The following TCF7L1 variants were observed in gnomAD, a reference collection of about 807,000 sequenced individuals.
TCF7L1 encodes the protein transcription factor 7 like 1, also known as transcription factor 7-like 1.
In TCF7L1, 18 loss-of-function variants were observed where a neutral mutation model predicts 63.7. The ratio of observed to expected loss-of-function variants is 0.28; its 90% confidence interval spans 0.20 to 0.42. The LOEUF is 0.42. Ranked by LOEUF, TCF7L1 falls within the 10% of genes least tolerant of loss-of-function variation. The pLI, the probability that TCF7L1 is intolerant of heterozygous loss-of-function variation, is 1.00. For synonymous variants in TCF7L1, 355 were observed against 340.9 expected (o/e 1.04, Z -0.46); for missense variants, 654 against 779.3 (o/e 0.84, Z 1.91).
intron 3 of TCF7L1, among the ~76,000 whole-genome samples, chr2:85,207,924 G>A (rs999505129): frequency 2.0e-5 from 3 of 151,708 alleles, no homozygotes; most frequent in South Asian, 4.2e-4. Context: ...TTTGGGGGGC[G>A]GGGACAGAGT....
intron 3 of TCF7L1, among the ~76,000 whole-genome samples, chr2:85,251,240 T>G (rs1401575333): frequency 6.6e-6 from 1 of 152,226 alleles, no homozygotes; most frequent in Non-Finnish European, 1.5e-5. Flanking sequence ...GAATAATGTT[T>G]TGCAATAACC....
At chr2:85,270,992 A>G (rs1478884706) in intron 3 of TCF7L1, among the ~76,000 whole-genome samples, 1 of 151,812 alleles carries the variant, frequency 6.6e-6, no homozygotes, top group African/African-American at 2.4e-5. Flanking sequence ...TCCCATTCCC[A>G]ACCACAAGTT....
At chr2:85,274,924 C>A (rs1681238023) in intron 3 of TCF7L1, among the ~76,000 whole-genome samples, 1 of 152,188 alleles carries the variant, frequency 6.6e-6, no homozygotes, top group African/African-American at 2.4e-5. Flanking sequence ...AGGACACTCA[C>A]ACTTGAGTGT....
At chr2:85,208,208 T>G (rs1452720959) in intron 3 of TCF7L1, among the ~76,000 whole-genome samples, 1 of 152,164 alleles carries the variant, frequency 6.6e-6, no homozygotes, top group Non-Finnish European at 1.5e-5. Context: ...ACCTGGCCTA[T>G]TAAATGCATT....
intron 3 of TCF7L1, among the ~76,000 whole-genome samples, chr2:85,282,154 T>C (rs1335160283): frequency 6.6e-6 from 1 of 152,024 alleles, no homozygotes; most frequent in Admixed American, 6.6e-5. Context: ...CACCCAGCTA[T>C]TTTTTGTTTT....
At chr2:85,250,821 C>T (rs1183756324) in intron 3 of TCF7L1, among the ~76,000 whole-genome samples, 6 of 152,090 alleles carry the variant, frequency 3.9e-5, no homozygotes, top group South Asian at 2.1e-4. Flanking sequence ...CAAGTTGTGC[C>T]GTCCCCTGCA....
intron 3 of TCF7L1, among the ~76,000 whole-genome samples, chr2:85,166,498 C>A (rs557292981): frequency 6.6e-6 from 1 of 152,296 alleles, no homozygotes; most frequent in South Asian, 2.1e-4. Context: ...CCTGACTAGA[C>A]CTGGGTGGCG....
chr2:85,165,632 T>C (rs1678398013), intron 3 of TCF7L1, among the ~76,000 whole-genome samples: 1 of 152,196 alleles, frequency 6.6e-6, no homozygotes, highest in Admixed American at 6.5e-5. Flanking sequence ...AAGACCTGTT[T>C]GGGGCGGCCT....
intron 11 of TCF7L1, among the ~76,000 whole-genome samples, chr2:85,308,039 C>T (rs1013623720): frequency 2.0e-5 from 3 of 152,062 alleles, no homozygotes; most frequent in African/African-American, 7.2e-5. Context: ...TTTGAAATAC[C>T]CTTAGGAAGG....
At chr2:85,160,778 G>A (rs1049395880) in intron 3 of TCF7L1, among the ~76,000 whole-genome samples, 8 of 152,124 alleles carry the variant, frequency 5.3e-5, no homozygotes, top group African/African-American at 1.9e-4. Context: ...CTTTAGCTTG[G>A]GAAGCAGAGG....
At chr2:85,151,559 A>G (rs777397577) in intron 3 of TCF7L1, among the ~76,000 whole-genome samples, 4 of 152,162 alleles carry the variant, frequency 2.6e-5, no homozygotes, top group African/African-American at 4.8e-5. Context: ...CAAAATGGTG[A>G]TAGTCTATTT....
At chr2:85,278,577 T>C (rs1486339497) in intron 3 of TCF7L1, among the ~76,000 whole-genome samples, 2 of 152,190 alleles carry the variant, frequency 1.3e-5, no homozygotes, top group Non-Finnish European at 2.9e-5. Context: ...ATGACCATTT[T>C]GGTAAATGCC....
Position 85,159,069 on chromosome 2 carries a change from G to A in TCF7L1, c.441+24619G>A, listed in dbSNP as rs558078563. Among the ~76,000 whole-genome samples, 8 of 152,348 alleles carry A rather than the reference G, an allele frequency of 5.3e-5. No individual in the cohort carries two copies. In the South Asian group the frequency reaches 8.3e-4, roughly 16 times the overall value. On this transcript the variant is annotated intron_variant, in intron 3 of 11. Transcript: ENST00000282111. ...CGGCTTTGTGGTAGAGGAGGGCTTTGTAGCACCGTGGACAGTGCGGTTCAG... is the reference window on the plus strand; with the variant it reads ...CGGCTTTGTGGTAGAGGAGGGCTTTATAGCACCGTGGACAGTGCGGTTCAG...
At chr2:85,178,912 G>A (rs2104247126) in intron 3 of TCF7L1, among the ~76,000 whole-genome samples, 1 of 152,290 alleles carries the variant, frequency 6.6e-6, no homozygotes. Context: ...CTGTTTCAAA[G>A]GGAAGTGGAG....
chr2:85,305,242 T>C lies in TCF7L1; in HGVS notation c.846-18T>C. 1 of 1,614,116 alleles carries C rather than the reference T, an allele frequency of 6.2e-7. No individual in the cohort carries two copies. The highest frequency in any genetic ancestry group is 8.5e-7 in the Non-Finnish European group (1 of 1,180,012). On this transcript the variant is annotated intron_variant, in intron 7 of 11. Coordinates refer to ENST00000282111, the MANE Select transcript of TCF7L1 (RefSeq NM_031283.3). ...GCCTGAACCCCTCTGTTGCCATTTG[T>C]TTCTATCCGGTGCACAGCCTGGTCT...
intron 3 of TCF7L1, among the ~76,000 whole-genome samples, chr2:85,157,338 C>T (rs1678172625): frequency 6.6e-6 from 1 of 152,216 alleles, no homozygotes; most frequent in Admixed American, 6.5e-5. Context: ...TGGGTGTTCT[C>T]TGTGTCCCAG....
At chr2:85,138,048 C>T (rs1392561008) in intron 3 of TCF7L1, among the ~76,000 whole-genome samples, 1 of 152,074 alleles carries the variant, frequency 6.6e-6, no homozygotes, top group Non-Finnish European at 1.5e-5. Flanking sequence ...TGACTGTGAC[C>T]ATGAAGTGAG....
At chr2:85,259,576 A>G (rs911529059) in intron 3 of TCF7L1, among the ~76,000 whole-genome samples, 1 of 152,198 alleles carries the variant, frequency 6.6e-6, no homozygotes. Context: ...CCTGTTTACT[A>G]TTGAAGATTG....
At chr2:85,156,497 G>C (rs1458854443) in intron 3 of TCF7L1, among the ~76,000 whole-genome samples, 1 of 152,224 alleles carries the variant, frequency 6.6e-6, no homozygotes, top group Non-Finnish European at 1.5e-5. Flanking sequence ...GGGCAGACCA[G>C]ATGTGGGGAG....
Sources: allele counts gnomAD v4.1 joint callset (sites outside exome capture counted in the v4.1 genomes callset), GRCh38; gene constraint gnomAD v4.1.1; transcripts MANE v1.5; gene names NCBI Gene and HGNC (gene_info 2026-07-23, HGNC 2026-07-21).